The following UNC5A variants were observed in gnomAD, a reference collection of about 807,000 sequenced individuals.
The protein encoded by UNC5A is unc-5 netrin receptor A, also known as netrin receptor UNC5A.
UNC5A carries 20 observed loss-of-function variants against 87.4 expected under a neutral mutation model. That is an observed-to-expected ratio of 0.23 (90% CI 0.16 to 0.33). The LOEUF is 0.33. UNC5A is among the 10% of genes least tolerant of loss of function. The pLI, the probability that UNC5A is intolerant of heterozygous loss-of-function variation, is 1.00. For synonymous variants in UNC5A, 438 were observed against 482.3 expected (o/e 0.91, Z 1.20); for missense variants, 844 against 1,133.4 (o/e 0.74, Z 3.67).
At chr5:176,820,942 G>T (rs986380925) in intron 1 of UNC5A, among the ~76,000 whole-genome samples, 1 of 152,148 alleles carries the variant, frequency 6.6e-6, no homozygotes, top group Non-Finnish European at 1.5e-5. Flanking sequence ...CCAGTCTTCC[G>T]CCAGTGCTTC....
At chr5:176,863,397 G>A (rs935691262) in intron 2 of UNC5A, among the ~76,000 whole-genome samples, 2 of 152,182 alleles carry the variant, frequency 1.3e-5, no homozygotes, top group African/African-American at 4.8e-5. Context: ...CTGTCTTAGG[G>A]GATCTCAAGC....
intron 13 of UNC5A, among the ~76,000 whole-genome samples, chr5:176,878,972 C>T (rs889797201): frequency 7.9e-5 from 12 of 152,164 alleles, no homozygotes; most frequent in South Asian, 2.1e-4. Flanking sequence ...GCATTTCTGG[C>T]GGTGAGAGCT....
Position 176,878,507 on chromosome 5 carries a change from G to A in UNC5A, c.2052G>A (p.Thr684=), listed in dbSNP as rs2304515. 1.4e-4 allele frequency: 229 copies of A among 1,613,066 alleles called. 3 individuals carry two copies. In the East Asian group the frequency reaches 4.3e-3, roughly 30 times the overall value. The change falls in exon 13 of 15, where the codon ACG becomes ACA. Residue 684 remains threonine, a synonymous_variant. Transcript: ENST00000329542. ...CCTTTTATCACATCTGGAATGGCAC[G>A]CAGCGGTACTTGCACTGCACCTTCA... The part of the protein sequence containing the change: ...EIPFYHIWNG[T]QRYLHCTFTL...
At position 176,817,938 on chromosome 5, in the gene UNC5A, G is replaced by C. The variant is rs1210256498; in HGVS notation, c.70+7118G>C. ...GGGAAGGGGCGGGATGCCTCCGCCC[G>C]CCAGCCCGCCCGCGGCCGCCCGCCG... On this transcript the variant is annotated intron_variant, in intron 1 of 14. Transcript: ENST00000329542. Among the ~76,000 whole-genome samples the C allele has an allele frequency of 2.0e-5, 3 of 151,998 alleles. No homozygotes were observed. In the East Asian group the frequency reaches 5.8e-4, roughly 29 times the overall value.
At position 176,848,139 on chromosome 5, in the gene UNC5A, C is replaced by G. The variant is rs539358; in HGVS notation, c.71-14485C>G. Among the ~76,000 whole-genome samples the G allele has an allele frequency of 0.013, 2,022 of 152,192 alleles. 37 individuals carry two copies. The highest frequency in any genetic ancestry group is 0.045 in the African/African-American group (1,885 of 41,532). ...CTGCGGCCTCCTCCAGGCTGGTTTC[C>G]TAGAGCACCCCTCCCCGCCTCATTT... On this transcript the variant is annotated intron_variant, in intron 1 of 14. Coordinates refer to ENST00000329542, the MANE Select transcript of UNC5A (RefSeq NM_133369.3). This position sits in a 1 kb window ranked among gnomAD's most constrained non-coding sequence, Gnocchi z 5.8.
intron 1 of UNC5A, among the ~76,000 whole-genome samples, chr5:176,823,764 GGATACT>G (rs1159709604): frequency 6.6e-6 from 1 of 151,834 alleles, no homozygotes; most frequent in Admixed American, 6.6e-5. Context: ...AAGGACGGCT[GGATACT>G]GACTTGGACT....
chr5:176,840,945 C>T (rs899785521), intron 1 of UNC5A, among the ~76,000 whole-genome samples: 6 of 152,344 alleles, frequency 3.9e-5, no homozygotes, highest in African/African-American at 1.4e-4. Context: ...GATGGAGCTT[C>T]CATTTGATCC....
chr5:176,837,146 C>G (rs982828071), intron 1 of UNC5A, among the ~76,000 whole-genome samples: 5 of 152,278 alleles, frequency 3.3e-5, no homozygotes, highest in Admixed American at 3.3e-4. Context: ...GCTCCCATAG[C>G]CCCTTTAAAC....
Position 176,877,585 on chromosome 5 carries a change from G to A in UNC5A, c.1517G>A (p.Gly506Glu). The change falls in exon 10 of 15, where the codon GGA (glycine) becomes GAA (glutamate). Residue 506 changes from glycine to glutamate, a missense_variant. Coordinates refer to ENST00000329542, the MANE Select transcript of UNC5A (RefSeq NM_133369.3). Reference protein sequence around the residue: ...QTLLSPIVSCGPPGVLLTRPV... With the variant: ...QTLLSPIVSCEPPGVLLTRPV... Reference sequence around the variant, plus strand: ...CTGCTGAGTCCCATCGTTAGCTGTGGACCCCCTGGCGTCCTGCTCACCCGG... The same window carrying A: ...CTGCTGAGTCCCATCGTTAGCTGTGAACCCCCTGGCGTCCTGCTCACCCGG... 1 of 1,611,700 alleles carries A rather than the reference G, an allele frequency of 6.2e-7. No homozygotes were observed. Among genetic ancestry groups the A allele is most frequent in the Non-Finnish European group, 8.5e-7 (1 of 1,179,048 alleles).
intron 1 of UNC5A, among the ~76,000 whole-genome samples, chr5:176,847,030 G>C (rs907456711): frequency 1.3e-5 from 2 of 152,110 alleles, no homozygotes; most frequent in African/African-American, 4.8e-5. Context: ...GGAGAGAGCA[G>C]CACAGCCCCT....
intron 1 of UNC5A, among the ~76,000 whole-genome samples, chr5:176,812,999 A>G (rs1756502735): frequency 6.6e-6 from 1 of 152,208 alleles, no homozygotes; most frequent in Non-Finnish European, 1.5e-5. Flanking sequence ...GCCAGCGGGC[A>G]GCAGGGGGCG....
chr5:176,830,573 T>C (rs968137597), intron 1 of UNC5A, among the ~76,000 whole-genome samples: 3 of 143,844 alleles, frequency 2.1e-5, no homozygotes, highest in Non-Finnish European at 4.5e-5. Context: ...TGTGTGTGTG[T>C]GTGTGTGCGC....
intron 2 of UNC5A, 30 bp from the exon 3 acceptor site, chr5:176,868,100 G>T: frequency 1.2e-6 from 2 of 1,605,726 alleles, no homozygotes; most frequent in South Asian, 1.1e-5. Context: ...TGGCCCTGGG[G>T]CTCTGACTAC....
chr5:176,867,413 C>G lies in UNC5A; in HGVS notation c.293-717C>G, dbSNP rs150362003. 1.1e-4 allele frequency among the ~76,000 whole-genome samples: 17 copies of G among 152,232 alleles called. No homozygotes were observed. In the East Asian group the frequency reaches 3.1e-3, roughly 28 times the overall value. ...GCGGGTCCTAGACCCCCAGCTCCCC[C>G]TCTGCTGGCTGCTCTCTCACCCTCT... On this transcript the variant is annotated intron_variant, in intron 2 of 14. Transcript: ENST00000329542.
intron 1 of UNC5A, among the ~76,000 whole-genome samples, chr5:176,840,696 C>T (rs1257289582): frequency 1.3e-5 from 2 of 152,174 alleles, no homozygotes; most frequent in East Asian, 1.9e-4. Flanking sequence ...CTGGCCCAGG[C>T]GTCCCTGGTG....
intron 1 of UNC5A, among the ~76,000 whole-genome samples, chr5:176,859,094 T>G (rs1417490627): frequency 1.4e-5 from 2 of 143,578 alleles, no homozygotes; most frequent in African/African-American, 5.8e-5. Context: ...AGGGCATAGC[T>G]GCTAGAATGT....
intron 1 of UNC5A, among the ~76,000 whole-genome samples, chr5:176,814,546 G>C (rs1002195858): frequency 1.3e-5 from 2 of 152,166 alleles, no homozygotes; most frequent in Non-Finnish European, 2.9e-5. Flanking sequence ...TGTGAAACCC[G>C]CAGCTTCAGT....
chr5:176,854,514 C>G lies in UNC5A; in HGVS notation c.71-8110C>G, dbSNP rs1290424702. 2.6e-5 allele frequency among the ~76,000 whole-genome samples: 4 copies of G among 152,368 alleles called. No homozygotes were observed. The East Asian group carries it at 7.7e-4, about 29-fold the overall frequency. ...ACTGGGCTCCTGCTCCCCCTGCCCC[C>G]TGCCGCTGTGCCCCCTGGCTCCCTG... is the stretch of plus-strand genomic sequence containing the variant. On this transcript the variant is annotated intron_variant, in intron 1 of 14. Transcript: ENST00000329542.
chr5:176,836,188 T>C (rs1447700369), intron 1 of UNC5A, among the ~76,000 whole-genome samples: 8 of 152,166 alleles, frequency 5.3e-5, no homozygotes, highest in Non-Finnish European at 1.5e-5. Flanking sequence ...GGAAGGCAGC[T>C]TTCCTAAGGC....
Sources: allele counts gnomAD v4.1 joint callset (sites outside exome capture counted in the v4.1 genomes callset), GRCh38; gene constraint gnomAD v4.1.1; non-coding constraint Gnocchi (gnomAD v3.1); transcripts MANE v1.5; gene names NCBI Gene and HGNC (gene_info 2026-07-23, HGNC 2026-07-21).